Variants in NAV3 observed in about 807,000 individuals in gnomAD.
The protein encoded by NAV3 is pore membrane and/or filament interacting like protein 1.
Under a neutral mutation model 244.7 loss-of-function variants are expected in NAV3, and 87 were observed. The observed-to-expected ratio is 0.36, with a 90% CI of 0.30 to 0.42. The LOEUF is 0.42. Among genes scored for constraint, NAV3 ranks in the 20% least tolerant of loss-of-function variants. NAV3 has a pLI of 1.00. For synonymous variants in NAV3, 1,126 were observed against 1,042.2 expected (o/e 1.08, Z -1.55); for missense variants, 2,663 against 2,893.3 (o/e 0.92, Z 1.83).
intron 12 of NAV3, among the ~76,000 whole-genome samples, chr12:78,104,023 T>A (rs1192947515): frequency 6.6e-6 from 1 of 152,220 alleles, no homozygotes; most frequent in African/African-American, 2.4e-5. Flanking sequence ...TAATATCACC[T>A]TAGTGAACAG....
At chr12:77,822,537 A>G (rs893975141) in intron 2 of NAV3, among the ~76,000 whole-genome samples, 3 of 152,194 alleles carry the variant, frequency 2.0e-5, no homozygotes, top group Admixed American at 1.3e-4. Flanking sequence ...GAAAAATTCT[A>G]AAACAGATCT....
chr12:77,911,862 A>G (rs924107853), intron 1 of NAV3, among the ~76,000 whole-genome samples: 1 of 149,328 alleles, frequency 6.7e-6, no homozygotes, highest in Non-Finnish European at 1.5e-5. Flanking sequence ...CACTGATCAT[A>G]TATTTTTTTT....
chr12:77,790,567 G>A (rs1201317045), intron 2 of NAV3, among the ~76,000 whole-genome samples: 1 of 152,178 alleles, frequency 6.6e-6, no homozygotes, highest in East Asian at 1.9e-4. Context: ...AATGGCTTGT[G>A]TAATTTGCAA....
In NAV3 at chr12:77,599,281, C is replaced by A. The variant is rs557184317; in HGVS notation, c.72+27015C>A. ...ATTTACTATGTATGTGATTATAATT[C>A]AGATGATCTTGAATTATTCAATTGT... is the stretch of plus-strand genomic sequence containing the variant. On this transcript the variant is annotated intron_variant, in intron 2 of 8. Coordinates refer to the NAV3 transcript ENST00000550042. 5.6e-4 allele frequency among the ~76,000 whole-genome samples: 85 copies of A among 152,018 alleles called. 1 individual carries two copies. The highest frequency in any genetic ancestry group is 6.8e-3 in the Middle Eastern group (2 of 292).
intron 1 of NAV3, among the ~76,000 whole-genome samples, chr12:77,844,138 T>C (rs559027353): frequency 6.6e-6 from 1 of 152,306 alleles, no homozygotes; most frequent in Admixed American, 6.5e-5. Flanking sequence ...AATTTATTTC[T>C]TACAGTTCTG....
chr12:78,191,982 G>A (rs911273855), intron 34 of NAV3, among the ~76,000 whole-genome samples: 6 of 152,012 alleles, frequency 3.9e-5, no homozygotes, highest in Non-Finnish European at 7.4e-5. Flanking sequence ...ACTTAAAATC[G>A]TTTTGAATTA....
chr12:77,893,111 T>C (rs1884147427), intron 1 of NAV3, among the ~76,000 whole-genome samples: 1 of 152,234 alleles, frequency 6.6e-6, no homozygotes, highest in African/African-American at 2.4e-5. Context: ...AATTGTAGGA[T>C]TTTTACTTGC....
intron 2 of NAV3, among the ~76,000 whole-genome samples, chr12:77,750,919 A>C (rs549040988): frequency 1.2e-3 from 178 of 152,342 alleles, no homozygotes; most frequent in African/African-American, 4.1e-3. Context: ...TAATTTGCTT[A>C]GAATTGAAAA....
intron 1 of NAV3, among the ~76,000 whole-genome samples, chr12:77,937,726 CA>C (rs943838653): frequency 2.6e-5 from 4 of 152,124 alleles, no homozygotes; most frequent in Non-Finnish European, 5.9e-5. Context: ...GCAATTACTA[CA>C]ATTTCTTTAG....
chr12:78,005,159 T>G (rs1045743090), intron 7 of NAV3, among the ~76,000 whole-genome samples: 2 of 152,138 alleles, frequency 1.3e-5, no homozygotes, highest in Non-Finnish European at 2.9e-5. Flanking sequence ...TAGTTGTAGA[T>G]GCACAGAAGA....
intron 2 of NAV3, among the ~76,000 whole-genome samples, chr12:77,770,138 G>A (rs1870001608): frequency 6.6e-6 from 1 of 152,092 alleles, no homozygotes; most frequent in African/African-American, 2.4e-5. Flanking sequence ...TGGGGCTAGA[G>A]ATCCAATTTT....
intron 34 of NAV3, among the ~76,000 whole-genome samples, chr12:78,196,102 CAT>C (rs1318789096): frequency 6.6e-6 from 1 of 152,016 alleles, no homozygotes; most frequent in African/African-American, 2.4e-5. Flanking sequence ...AAATTAGTGA[CAT>C]AAATTTTATT....
At chr12:77,742,295 G>A (rs560640143) in intron 2 of NAV3, among the ~76,000 whole-genome samples, 1 of 152,144 alleles carries the variant, frequency 6.6e-6, no homozygotes, top group Non-Finnish European at 1.5e-5. Flanking sequence ...TTTCCTTGCA[G>A]TCCTTCCTCA....
intron 2 of NAV3, among the ~76,000 whole-genome samples, chr12:77,593,254 A>G (rs927883572): frequency 4.8e-5 from 6 of 125,328 alleles, no homozygotes; most frequent in African/African-American, 1.2e-4. Context: ...TATGGTATAT[A>G]TATGTATGAG....
chr12:77,863,645 A>C (rs776209737), intron 1 of NAV3, among the ~76,000 whole-genome samples: 9 of 151,844 alleles, frequency 5.9e-5, no homozygotes, highest in Non-Finnish European at 1.0e-4. Context: ...ATTGACAGAA[A>C]TGTTTACGGA....
intron 39 of NAV3, among the ~76,000 whole-genome samples, chr12:78,205,346 C>A (rs1960182740): frequency 6.6e-6 from 1 of 152,086 alleles, no homozygotes; most frequent in South Asian, 2.1e-4. Context: ...AGAAATGCTA[C>A]AACCAGAATG....
chr12:77,782,142 G>C (rs1217248575), intron 2 of NAV3, among the ~76,000 whole-genome samples: 3 of 152,130 alleles, frequency 2.0e-5, no homozygotes. Context: ...ATCTGGAGCA[G>C]TTTGTTGATT....
chr12:77,827,498 C>T (rs1162278657), upstream of NAV3, among the ~76,000 whole-genome samples: 1 of 152,070 alleles, frequency 6.6e-6, no homozygotes, highest in African/African-American at 2.4e-5. Context: ...TCCAGCTTAG[C>T]TTTAGAAGGT....
At chr12:77,669,410 G>A (rs1374221351) in intron 2 of NAV3, among the ~76,000 whole-genome samples, 2 of 152,140 alleles carry the variant, frequency 1.3e-5, no homozygotes, top group African/African-American at 2.4e-5. Context: ...CAGAAAGACA[G>A]AGTGGATAAG....
Sources: allele counts gnomAD v4.1 joint callset (sites outside exome capture counted in the v4.1 genomes callset), GRCh38; gene constraint gnomAD v4.1.1; transcripts MANE v1.5; gene names NCBI Gene and HGNC (gene_info 2026-07-23, HGNC 2026-07-21).